Variants in LRMDA observed in about 807,000 individuals in gnomAD.
LRMDA encodes the protein leucine-rich melanocyte differentiation-associated protein.
A neutral mutation model predicts 29.8 loss-of-function variants in LRMDA; 18 were observed. The ratio of observed to expected loss-of-function variants is 0.60; its 90% CI spans 0.42 to 0.90. LRMDA has a LOEUF of 0.90. LRMDA is among the 40% of genes least tolerant of loss of function. The pLI, the probability that LRMDA is intolerant of heterozygous loss-of-function variation, is 0.00. For synonymous variants in LRMDA, 125 were observed against 109.4 expected (o/e 1.14, Z -0.89); for missense variants, 273 against 273.9 (o/e 1.00, Z 0.02).
At chr10:75,813,735 C>T (rs1420135740) in intron 2 of LRMDA, among the ~76,000 whole-genome samples, 2 of 152,158 alleles carry the variant, frequency 1.3e-5, no homozygotes, top group Admixed American at 1.3e-4. Flanking sequence ...TATCCAAATT[C>T]CCTGATCGTG....
chr10:75,900,182 C>T (rs192531714), intron 2 of LRMDA, among the ~76,000 whole-genome samples: 5 of 152,296 alleles, frequency 3.3e-5, no homozygotes, highest in Admixed American at 2.0e-4. Flanking sequence ...AATCCCTTCC[C>T]GTATTTTGAA....
intron 2 of LRMDA, among the ~76,000 whole-genome samples, chr10:76,012,387 G>A (rs1316291907): frequency 6.6e-6 from 1 of 152,092 alleles, no homozygotes; most frequent in African/African-American, 2.4e-5. Flanking sequence ...CCACTCCTAT[G>A]GTGAAGAGCC....
intron 2 of LRMDA, among the ~76,000 whole-genome samples, chr10:75,690,096 C>G (rs1053143723): frequency 1.3e-5 from 2 of 152,140 alleles, no homozygotes; most frequent in African/African-American, 4.8e-5. Context: ...ATGTTCTATT[C>G]TGTATTCTAT....
intron 5 of LRMDA, among the ~76,000 whole-genome samples, chr10:76,116,713 A>G (rs573619974): frequency 2.4e-4 from 37 of 152,256 alleles, no homozygotes; most frequent in African/African-American, 6.5e-4. Flanking sequence ...AGAGGAGACT[A>G]TGCTCTCAAG....
At chr10:76,015,610 G>A (rs902939339) in intron 2 of LRMDA, among the ~76,000 whole-genome samples, 3 of 152,166 alleles carry the variant, frequency 2.0e-5, no homozygotes, top group African/African-American at 7.2e-5. Flanking sequence ...AGCAAGTCGA[G>A]AGGTCCAGCC....
intron 2 of LRMDA, among the ~76,000 whole-genome samples, chr10:75,576,608 T>A (rs1253845818): frequency 1.3e-5 from 2 of 152,072 alleles, no homozygotes; most frequent in Non-Finnish European, 2.9e-5. Flanking sequence ...CAAAAGACAC[T>A]TCATACAGGA....
intron 6 of LRMDA, among the ~76,000 whole-genome samples, chr10:76,358,042 AC>A (rs1321174578): frequency 6.6e-6 from 1 of 151,958 alleles, no homozygotes; most frequent in African/African-American, 2.4e-5. Context: ...AAAATCAGAG[AC>A]CGCCATCCCA....
At chr10:75,542,536 G>C (rs1239169502) in intron 2 of LRMDA, among the ~76,000 whole-genome samples, 1 of 151,848 alleles carries the variant, frequency 6.6e-6, no homozygotes, top group Non-Finnish European at 1.5e-5. Context: ...GAAAATAGAG[G>C]GACCCAATAA....
chr10:76,035,084 T>C (rs1589297167), intron 2 of LRMDA, among the ~76,000 whole-genome samples: 2 of 149,848 alleles, frequency 1.3e-5, no homozygotes, highest in African/African-American at 4.9e-5. Flanking sequence ...AGGCTATTTT[T>C]CCCTTTCTGC....
chr10:76,554,803 A>G (rs1843534647), intron 6 of LRMDA, among the ~76,000 whole-genome samples: 1 of 9,348 alleles, frequency 1.1e-4, no homozygotes, highest in Admixed American at 2.4e-3. Flanking sequence ...AAAGGGAAGA[A>G]AAAAAAAGCA....
intron 2 of LRMDA, among the ~76,000 whole-genome samples, chr10:75,560,208 T>C (rs1419990360): frequency 1.3e-5 from 2 of 152,136 alleles, no homozygotes; most frequent in African/African-American, 2.4e-5. Context: ...TCTTATTTCA[T>C]TGAGCAGTGG....
chr10:76,076,275 G>A (rs550290337), intron 5 of LRMDA, among the ~76,000 whole-genome samples: 27 of 149,210 alleles, frequency 1.8e-4, no homozygotes, highest in South Asian at 4.2e-4. Context: ...CCCAGGAGGC[G>A]GAGCTTGCAA....
intron 2 of LRMDA, among the ~76,000 whole-genome samples, chr10:75,860,785 GC>G (rs1554830344): frequency 6.6e-6 from 1 of 152,118 alleles, no homozygotes; most frequent in Non-Finnish European, 1.5e-5. Flanking sequence ...TTTTAATTCT[GC>G]CCTAAGTTCT....
chr10:76,077,144 T>A lies in LRMDA; in HGVS notation c.516+18361T>A, dbSNP rs572729927. ...CCCATCCCAAATCATAGGCTGAGGA[T>A]GCAGCACCAGGGCCAGGAAGGAAGG... On this transcript the variant is annotated intron_variant, in intron 5 of 6. Transcript: ENST00000611255. 9.9e-5 allele frequency among the ~76,000 whole-genome samples: 15 copies of A among 152,232 alleles called. No homozygotes were observed. The South Asian group carries it at 2.9e-3, about 29-fold the overall frequency.
intron 2 of LRMDA, among the ~76,000 whole-genome samples, chr10:75,876,778 T>C (rs1168489053): frequency 6.6e-6 from 1 of 152,184 alleles, no homozygotes; most frequent in African/African-American, 2.4e-5. Context: ...ATAACAAGAT[T>C]CAATAACTAC....
chr10:76,164,867 T>A (rs778972410), intron 5 of LRMDA, among the ~76,000 whole-genome samples: 3 of 152,260 alleles, frequency 2.0e-5, no homozygotes, highest in Non-Finnish European at 4.4e-5. Context: ...TCTATCATTT[T>A]ATGAGTTTAT....
intron 2 of LRMDA, among the ~76,000 whole-genome samples, chr10:75,544,689 T>C (rs1840056388): frequency 6.6e-6 from 1 of 152,132 alleles, no homozygotes; most frequent in Non-Finnish European, 1.5e-5. Context: ...AAAACTTTCT[T>C]GTTTTTTTTT....
intron 2 of LRMDA, among the ~76,000 whole-genome samples, chr10:75,727,126 A>G (rs1375081036): frequency 4.6e-5 from 7 of 152,114 alleles, no homozygotes; most frequent in Non-Finnish European, 1.0e-4. Context: ...TTTGTGAGCA[A>G]TGTCCCTGGC....
intron 2 of LRMDA, among the ~76,000 whole-genome samples, chr10:75,999,967 T>G (rs1847533428): frequency 6.6e-6 from 1 of 152,190 alleles, no homozygotes; most frequent in Non-Finnish European, 1.5e-5. Context: ...TTTAAACCAT[T>G]CCTGACACTT....
Sources: gnomAD v4.1 joint callset for allele counts (sites outside exome capture counted in the v4.1 genomes callset) on GRCh38, gnomAD v4.1.1 for gene constraint, MANE v1.5 for transcripts, NCBI Gene and HGNC (gene_info 2026-07-23, HGNC 2026-07-21) for gene names.